The following CDH18 variants were observed in gnomAD, a reference collection of about 807,000 sequenced individuals.
CDH18 encodes cadherin 18.
In CDH18, 31 loss-of-function variants were observed where a neutral mutation model predicts 67.9. The ratio of observed to expected loss-of-function variants is 0.46; its 90% CI spans 0.34 to 0.62. CDH18 has a LOEUF of 0.62. Among genes scored for constraint, CDH18 ranks in the 20% least tolerant of loss-of-function variants. CDH18 has a pLI of 0.01. For missense variants in CDH18, 890 were observed against 975.5 expected (o/e 0.91, Z 1.17); for synonymous variants, 362 against 347.2 (o/e 1.04, Z -0.48).
At chr5:20,468,006 GTATT>G (rs59882384) in intron 1 of CDH18, among the ~76,000 whole-genome samples, 3 of 148,496 alleles carry the variant, frequency 2.0e-5, no homozygotes, top group Non-Finnish European at 3.0e-5. Context: ...ATTTATTTAT[GTATT>G]TATTTATTTA....
intron 10 of CDH18, among the ~76,000 whole-genome samples, chr5:19,517,646 G>A (rs1158339241): frequency 6.6e-6 from 1 of 152,074 alleles, no homozygotes; most frequent in Non-Finnish European, 1.5e-5. Flanking sequence ...TTTGTAGGCA[G>A]TATGCTTGGT....
At chr5:20,370,539 CACTT>C (rs1742894433) in intron 1 of CDH18, among the ~76,000 whole-genome samples, 1 of 152,152 alleles carries the variant, frequency 6.6e-6, no homozygotes, top group Non-Finnish European at 1.5e-5. Context: ...ATTATTCACT[CACTT>C]ACTAAAGATC....
chr5:19,599,306 T>G (rs958016315), intron 6 of CDH18, among the ~76,000 whole-genome samples: 1 of 152,160 alleles, frequency 6.6e-6, no homozygotes, highest in Non-Finnish European at 1.5e-5. Flanking sequence ...AAACAATATC[T>G]GTTATATAAT....
At chr5:19,954,473 C>A (rs1350221328) in intron 2 of CDH18, among the ~76,000 whole-genome samples, 1 of 151,842 alleles carries the variant, frequency 6.6e-6, no homozygotes, top group Non-Finnish European at 1.5e-5. Context: ...TACAAAATAT[C>A]CCAAATTAGA....
chr5:19,725,423 G>A (rs1215123878), intron 4 of CDH18, among the ~76,000 whole-genome samples: 1 of 152,170 alleles, frequency 6.6e-6, no homozygotes, highest in Non-Finnish European at 1.5e-5. Flanking sequence ...GACTTTAAAT[G>A]TGCAGCAAGC....
At position 20,121,307 on chromosome 5, in the gene CDH18, G is replaced by A. The variant is rs117269420; in HGVS notation, c.-517-129293C>T. Among the ~76,000 whole-genome samples, 79 of 152,268 alleles carry A rather than the reference G, an allele frequency of 5.2e-4. No homozygotes were observed. In the East Asian group the frequency reaches 0.015, roughly 29 times the overall value. ...CCTTCTAAAGAATTTCCAAGTCATT[G>A]AGGCTACAGGAAGGATTAAAGAAAA... On this transcript the variant is annotated intron_variant, in intron 2 of 14. Coordinates refer to the CDH18 transcript ENST00000507958.
chr5:20,108,334 C>T (rs781159747), intron 2 of CDH18, among the ~76,000 whole-genome samples: 1 of 152,022 alleles, frequency 6.6e-6, no homozygotes, highest in Non-Finnish European at 1.5e-5. Context: ...TCAGACAATC[C>T]ACCAACCTCG....
chr5:19,975,242 G>A (rs530552856), intron 2 of CDH18, among the ~76,000 whole-genome samples: 399 of 151,876 alleles, frequency 2.6e-3, no homozygotes, highest in African/African-American at 9.0e-3. Flanking sequence ...TCTCCACATC[G>A]TACTTAATAA....
intron 2 of CDH18, among the ~76,000 whole-genome samples, chr5:20,091,327 A>T (rs1580217594): frequency 6.6e-6 from 1 of 152,128 alleles, no homozygotes; most frequent in East Asian, 1.9e-4. Context: ...TCTATAAAAA[A>T]AAAAAGTTAA....
chr5:19,779,551 C>T (rs560542222), intron 3 of CDH18, among the ~76,000 whole-genome samples: 1 of 152,198 alleles, frequency 6.6e-6, no homozygotes, highest in African/African-American at 2.4e-5. Flanking sequence ...ACTTTCTTTG[C>T]TGATTTTGCT....
intron 1 of CDH18, among the ~76,000 whole-genome samples, chr5:20,273,306 GTTATAA>G (rs1172406278): frequency 1.3e-5 from 2 of 151,860 alleles, no homozygotes; most frequent in African/African-American, 2.4e-5. Flanking sequence ...TTGTGGGTTT[GTTATAA>G]TTATATTATG....
At chr5:20,433,935 C>A (rs1368615417) in intron 1 of CDH18, among the ~76,000 whole-genome samples, 1 of 151,990 alleles carries the variant, frequency 6.6e-6, no homozygotes, top group Non-Finnish European at 1.5e-5. Context: ...GCGTCATAAA[C>A]GAGGAGTCTA....
At chr5:19,527,033 T>A (rs886323216) in intron 9 of CDH18, among the ~76,000 whole-genome samples, 2 of 151,942 alleles carry the variant, frequency 1.3e-5, no homozygotes, top group Non-Finnish European at 2.9e-5. Flanking sequence ...ATAGGAAAAT[T>A]TAGAACTAAA....
intron 2 of CDH18, among the ~76,000 whole-genome samples, chr5:19,879,503 T>C (rs1175214255): frequency 6.6e-6 from 1 of 152,040 alleles, no homozygotes; most frequent in Non-Finnish European, 1.5e-5. Context: ...GTAAGTTTAT[T>C]GAAATATCTG....
At chr5:19,809,527 AT>A (rs1339474389) in intron 3 of CDH18, among the ~76,000 whole-genome samples, 1 of 104,174 alleles carries the variant, frequency 9.6e-6, no homozygotes, top group Non-Finnish European at 2.3e-5. Context: ...TTAAAGTATA[AT>A]AAAAAAAAAT....
At chr5:19,612,320 A>G (rs1749111842) in intron 6 of CDH18, 114 bp downstream of exon 6, 3 of 1,041,974 alleles carry the variant, frequency 2.9e-6, no homozygotes, top group Non-Finnish European at 4.2e-6. Context: ...CATATAGTAC[A>G]AAAACAGAAC....
chr5:20,410,694 G>GA (rs559744737), intron 1 of CDH18, among the ~76,000 whole-genome samples: 9 of 150,498 alleles, frequency 6.0e-5, no homozygotes, highest in African/African-American at 1.7e-4. Context: ...ATCCAAATTA[G>GA]AAAAAAAATA....
intron 2 of CDH18, among the ~76,000 whole-genome samples, chr5:20,028,966 T>C (rs1443309446): frequency 1.3e-5 from 2 of 152,180 alleles, no homozygotes; most frequent in Non-Finnish European, 2.9e-5. Context: ...ATTATTTGAA[T>C]ACATTTGTCA....
At chr5:20,557,359 G>T (rs952527239) in intron 1 of CDH18, among the ~76,000 whole-genome samples, 1 of 151,920 alleles carries the variant, frequency 6.6e-6, no homozygotes, top group Non-Finnish European at 1.5e-5. Context: ...TGAAAACATG[G>T]TGTTCAGATA....
Sources: allele counts gnomAD v4.1 joint callset (sites outside exome capture counted in the v4.1 genomes callset), GRCh38; gene constraint gnomAD v4.1.1; transcripts MANE v1.5; gene names NCBI Gene and HGNC (gene_info 2026-07-23, HGNC 2026-07-21).